The following SEMA3E variants were observed in gnomAD, a reference collection of about 807,000 sequenced individuals.
The protein encoded by SEMA3E is semaphorin 3E.
Under a neutral mutation model 93.6 loss-of-function variants are expected in SEMA3E, and 49 were observed. The ratio of observed to expected loss-of-function variants is 0.52; its 90% confidence interval spans 0.42 to 0.66. The LOEUF is 0.66. Ranked by LOEUF, SEMA3E falls within the 30% of genes least tolerant of loss-of-function variation. The pLI, the probability that SEMA3E is intolerant of heterozygous loss-of-function variation, is 0.00. For synonymous variants in SEMA3E, 363 were observed against 330.7 expected (o/e 1.10, Z -1.06); for missense variants, 906 against 964.8 (o/e 0.94, Z 0.81).
At chr7:83,471,104 A>T (rs1375671286) in intron 2 of SEMA3E, among the ~76,000 whole-genome samples, 3 of 151,884 alleles carry the variant, frequency 2.0e-5, no homozygotes, top group Non-Finnish European at 4.4e-5. Flanking sequence ...CTCTGTACAT[A>T]GTTTAGCAGG....
intron 1 of SEMA3E, among the ~76,000 whole-genome samples, chr7:83,544,777 T>A (rs1456389826): frequency 6.6e-6 from 1 of 152,106 alleles, no homozygotes; most frequent in African/African-American, 2.4e-5. Flanking sequence ...GTAGGATTCT[T>A]AGGCTGTAGT....
intron 2 of SEMA3E, among the ~76,000 whole-genome samples, chr7:83,478,243 AG>A (rs1790063290): frequency 6.6e-6 from 1 of 152,152 alleles, no homozygotes; most frequent in Non-Finnish European, 1.5e-5. Flanking sequence ...TTTAAATTAT[AG>A]TAGTGAGAAT....
At chr7:83,561,653 T>C (rs1010895976) in intron 1 of SEMA3E, among the ~76,000 whole-genome samples, 6 of 152,128 alleles carry the variant, frequency 3.9e-5, no homozygotes, top group African/African-American at 1.4e-4. Flanking sequence ...GCATTTTCAA[T>C]TCACTTTGAA....
chr7:83,533,380 G>A (rs930394447), intron 1 of SEMA3E, among the ~76,000 whole-genome samples: 7 of 151,600 alleles, frequency 4.6e-5, no homozygotes, highest in Non-Finnish European at 8.8e-5. Flanking sequence ...CATCTCTACC[G>A]AAAAAATACA....
intron 1 of SEMA3E, among the ~76,000 whole-genome samples, chr7:83,607,319 G>A (rs553790535): frequency 6.6e-6 from 1 of 152,246 alleles, no homozygotes; most frequent in Non-Finnish European, 1.5e-5. Flanking sequence ...TTTAGGGGTC[G>A]TGTTATCAGC....
chr7:83,427,110 G>A (rs556944212), intron 4 of SEMA3E, among the ~76,000 whole-genome samples: 4 of 152,200 alleles, frequency 2.6e-5, no homozygotes, highest in South Asian at 2.1e-4. Flanking sequence ...TGAAGGTAAC[G>A]TGAAGATGCA....
At chr7:83,583,551 A>T (rs886894596) in intron 1 of SEMA3E, among the ~76,000 whole-genome samples, 2 of 152,044 alleles carry the variant, frequency 1.3e-5, no homozygotes, top group African/African-American at 2.4e-5. Flanking sequence ...GTCCTTCCCC[A>T]TATTTATTTG....
chr7:83,371,432 T>C lies in SEMA3E; in HGVS notation c.1876-3394A>G, dbSNP rs376959765. On this transcript the variant is annotated intron_variant, in intron 16 of 16. Coordinates refer to ENST00000643230, the MANE Select transcript of SEMA3E (RefSeq NM_012431.3). ...CAATCTGTGTCTCATCTTACAACCATAGAGATACATATTTCAGTAAAAACA... is the reference window on the plus strand; with the variant it reads ...CAATCTGTGTCTCATCTTACAACCACAGAGATACATATTTCAGTAAAAACA... The C allele has an allele frequency of 9.9e-5, 15 of 152,246 alleles. 1 individual carries two copies. Among genetic ancestry groups the C allele is most frequent in the Admixed American group, 1.3e-4 (2 of 15,294 alleles). 9.4% of individuals were successfully genotyped at this position (152,246 alleles called of 1,614,324 possible).
intron 1 of SEMA3E, among the ~76,000 whole-genome samples, chr7:83,593,544 A>G (rs1792805755): frequency 6.6e-6 from 1 of 152,080 alleles, no homozygotes. Flanking sequence ...GTAGAGGCTG[A>G]GAAGCAGTGA....
intron 1 of SEMA3E, among the ~76,000 whole-genome samples, chr7:83,613,769 T>A: frequency 6.6e-6 from 1 of 152,112 alleles, no homozygotes; most frequent in East Asian, 1.9e-4. Context: ...TAAAATACTT[T>A]TCATGTATCT....
At chr7:83,559,287 T>C (rs1336077977) in intron 1 of SEMA3E, among the ~76,000 whole-genome samples, 2 of 152,064 alleles carry the variant, frequency 1.3e-5, no homozygotes, top group Admixed American at 1.3e-4. Flanking sequence ...GGCTCCAGCA[T>C]TGTGCAACCA....
chr7:83,397,139 G>T (rs1413644442), intron 11 of SEMA3E, among the ~76,000 whole-genome samples: 1 of 151,050 alleles, frequency 6.6e-6, no homozygotes, highest in Non-Finnish European at 1.5e-5. Flanking sequence ...CCAGAGGCAT[G>T]AAACATGTTA....
chr7:83,540,669 A>G (rs2115761669), intron 1 of SEMA3E, among the ~76,000 whole-genome samples: 1 of 152,310 alleles, frequency 6.6e-6, no homozygotes, highest in South Asian at 2.1e-4. Context: ...CACAAATGCA[A>G]AATTTAAAAA....
chr7:83,553,643 AG>A (rs764677536), intron 1 of SEMA3E, among the ~76,000 whole-genome samples: 5 of 152,254 alleles, frequency 3.3e-5, no homozygotes, highest in Admixed American at 6.5e-5. Flanking sequence ...TGGGGCTTTT[AG>A]GGACCTCAAA....
At chr7:83,482,293 G>T (rs773833123) in intron 2 of SEMA3E, among the ~76,000 whole-genome samples, 1 of 152,076 alleles carries the variant, frequency 6.6e-6, no homozygotes, top group Non-Finnish European at 1.5e-5. Context: ...GAGGCCAGGC[G>T]CAGTGGCCCA....
chr7:83,648,137 G>A (rs1424333324), intron 1 of SEMA3E, among the ~76,000 whole-genome samples: 1 of 151,996 alleles, frequency 6.6e-6, no homozygotes, highest in Non-Finnish European at 1.5e-5. Context: ...CTCCCTTCCT[G>A]TGTTCCGCGG....
At chr7:83,475,933 C>T (rs1790000203) in intron 2 of SEMA3E, among the ~76,000 whole-genome samples, 1 of 152,156 alleles carries the variant, frequency 6.6e-6, no homozygotes, top group Non-Finnish European at 1.5e-5. Flanking sequence ...AAGAGTTTCA[C>T]AACAAAATCT....
At chr7:83,456,021 A>G (rs1789470274) in intron 4 of SEMA3E, among the ~76,000 whole-genome samples, 1 of 152,258 alleles carries the variant, frequency 6.6e-6, no homozygotes, top group Non-Finnish European at 1.5e-5. Context: ...CTGTGAGATA[A>G]TAAGTGTGTG....
At chr7:83,605,743 CTTT>C (rs1562852193) in intron 1 of SEMA3E, among the ~76,000 whole-genome samples, 1 of 152,088 alleles carries the variant, frequency 6.6e-6, no homozygotes, top group East Asian at 1.9e-4. Context: ...TAAATGTCTT[CTTT>C]TGAGAAGTGT....
Sources: allele counts gnomAD v4.1 joint callset (sites outside exome capture counted in the v4.1 genomes callset), GRCh38; gene constraint gnomAD v4.1.1; transcripts MANE v1.5; gene names NCBI Gene and HGNC (gene_info 2026-07-23, HGNC 2026-07-21).